Variants in DYNC2H1 observed in about 807,000 individuals in gnomAD.
DYNC2H1 encodes the protein dynein cytoplasmic 2 heavy chain 1.
Under a neutral mutation model 570.0 loss-of-function variants are expected in DYNC2H1, and 410 were observed. The observed-to-expected ratio is 0.72, with a 90% CI of 0.66 to 0.78. The LOEUF is 0.78. Ranked by LOEUF, DYNC2H1 falls within the 30% of genes least tolerant of loss-of-function variation. DYNC2H1 has a pLI of 0.00. For missense variants in DYNC2H1, 4,865 were observed against 5,046.4 expected (o/e 0.96, Z 1.09); for synonymous variants, 1,688 against 1,677.6 (o/e 1.01, Z -0.15).
chr11:103,471,782 A>C (rs1205973628), intron 88 of DYNC2H1, among the ~76,000 whole-genome samples: 1 of 152,198 alleles, frequency 6.6e-6, no homozygotes, highest in Non-Finnish European at 1.5e-5. Flanking sequence ...TCTTCCGCCA[A>C]CTGGGGAAGC....
intron 30 of DYNC2H1, among the ~76,000 whole-genome samples, chr11:103,164,901 C>T (rs955977841): frequency 2.0e-4 from 30 of 152,052 alleles, no homozygotes; most frequent in Non-Finnish European, 3.5e-4. Context: ...GTAGCATTGC[C>T]TAGGATTAGG....
intron 70 of DYNC2H1, among the ~76,000 whole-genome samples, chr11:103,272,316 C>T (rs917108767): frequency 2.0e-5 from 3 of 152,038 alleles, no homozygotes; most frequent in South Asian, 2.1e-4. Flanking sequence ...AGCAAACTAT[C>T]GCAGGGACAA....
In DYNC2H1 at chr11:103,446,879, T is replaced by C. The variant is rs975752414; in HGVS notation, c.12457-8307T>C. Among the ~76,000 whole-genome samples, 1 of 152,108 alleles carries C rather than the reference T, an allele frequency of 6.6e-6. No homozygotes were observed. The highest frequency in any genetic ancestry group is 6.5e-5 in the Admixed American group (1 of 15,272). The stretch of plus-strand genomic sequence containing the variant: ...AATAAGTTATAGTTATAAATTATTA[T>C]TAATAATTAAGAGGAGACCTATAAG... On this transcript the variant is annotated intron_variant, in intron 85 of 88. Coordinates refer to ENST00000375735, the MANE Select transcript of DYNC2H1 (RefSeq NM_001377.3). This position sits in a 1 kb window ranked among gnomAD's most constrained non-coding sequence, Gnocchi z 4.5.
At chr11:103,118,889 C>G (rs1397460255) in intron 6 of DYNC2H1, among the ~76,000 whole-genome samples, 1 of 152,126 alleles carries the variant, frequency 6.6e-6, no homozygotes, top group Non-Finnish European at 1.5e-5. Context: ...CAGGTATGAT[C>G]AGTCTGATGA....
At chr11:103,423,710 G>T (rs2449122) in intron 84 of DYNC2H1, among the ~76,000 whole-genome samples, 101,383 of 151,370 alleles carry the variant, frequency 0.67, 35,718 homozygotes, top group African/African-American at 0.91. Flanking sequence ...GGAACCTACA[G>T]CTAGATTTTT....
intron 84 of DYNC2H1, among the ~76,000 whole-genome samples, chr11:103,425,859 A>G (rs1431112692): frequency 2.0e-5 from 3 of 151,854 alleles, no homozygotes; most frequent in Admixed American, 2.0e-4. Context: ...AATACTATAT[A>G]TATAAATTTC....
intron 76 of DYNC2H1, 38 bp downstream of exon 76, chr11:103,303,291 T>C (rs777466316): frequency 1.3e-6 from 2 of 1,588,390 alleles, no homozygotes; most frequent in Admixed American, 3.4e-5. Context: ...GTTTTTGCTA[T>C]TGCTGTTCCC....
Position 103,204,673 on chromosome 11 carries a change from TA to T in DYNC2H1, c.8312-145del. The T allele has an allele frequency of 1.9e-6, 1 of 516,042 alleles. No homozygotes were observed. Among genetic ancestry groups the T allele is most frequent in the Non-Finnish European group, 3.2e-6 (1 of 314,944 alleles). 32.0% of individuals were successfully genotyped at this position (516,042 alleles called of 1,614,324 possible). On this transcript the variant is annotated intron_variant, in intron 51 of 88. Transcript: ENST00000375735. The surrounding 1 kb of genome is among the most constrained non-coding windows in gnomAD (Gnocchi z 4.1). ...ACAAATTTATAAGTGTTCTTTTAAC[TA>T]AAATAAAAATCATAACATAATATTG... is the stretch of plus-strand genomic sequence containing the variant.
intron 55 of DYNC2H1, among the ~76,000 whole-genome samples, chr11:103,218,941 G>A (rs572544160): frequency 6.6e-6 from 1 of 152,136 alleles, no homozygotes; most frequent in Non-Finnish European, 1.5e-5. Context: ...TGCAATTCTA[G>A]GTTAATGGCA....
chr11:103,205,966 C>T lies in DYNC2H1; in HGVS notation c.8454+1002C>T, dbSNP rs181067408. On this transcript the variant is annotated intron_variant, in intron 52 of 88. Transcript: ENST00000375735. The surrounding 1 kb of genome is among the most constrained non-coding windows in gnomAD (Gnocchi z 4.5). ...GAACTAACTTACTTTTGGATGCTTTCGAACAGAAATATTCTGACTCATTTT... is the reference window on the plus strand; with the variant it reads ...GAACTAACTTACTTTTGGATGCTTTTGAACAGAAATATTCTGACTCATTTT... 8.9e-4 allele frequency among the ~76,000 whole-genome samples: 135 copies of T among 152,168 alleles called. No homozygotes were observed. Among genetic ancestry groups the T allele is most frequent in the Admixed American group, 1.6e-3 (24 of 15,260 alleles).
chr11:103,469,767 A>T (rs1028373429), intron 88 of DYNC2H1, among the ~76,000 whole-genome samples: 12 of 152,194 alleles, frequency 7.9e-5, no homozygotes, highest in African/African-American at 2.9e-4. Flanking sequence ...TGTTTACTTC[A>T]ATCTTGCTGT....
intron 43 of DYNC2H1, among the ~76,000 whole-genome samples, chr11:103,188,184 A>G (rs1420580080): frequency 6.6e-6 from 1 of 152,048 alleles, no homozygotes; most frequent in Non-Finnish European, 1.5e-5. Flanking sequence ...TATTTTTCTC[A>G]TATTTTTCCT....
chr11:103,296,692 C>G (rs1401036718), intron 75 of DYNC2H1, among the ~76,000 whole-genome samples: 2 of 151,952 alleles, frequency 1.3e-5, no homozygotes, highest in Non-Finnish European at 2.9e-5. Context: ...TCATTTCTGC[C>G]ATTATCATCT....
At chr11:103,457,735 A>G (rs1257690320) in intron 87 of DYNC2H1, among the ~76,000 whole-genome samples, 2 of 152,166 alleles carry the variant, frequency 1.3e-5, no homozygotes, top group Admixed American at 6.5e-5. Flanking sequence ...TTGGCCTCCC[A>G]GAGTGCTAGG....
Position 103,177,536 on chromosome 11 carries a change from A to T in DYNC2H1, c.5875-20A>T, listed in dbSNP as rs532424006. 35 of 1,590,166 alleles carry T rather than the reference A, an allele frequency of 2.2e-5. No homozygotes were observed. Among genetic ancestry groups the T allele is most frequent in the Non-Finnish European group, 8.5e-7 (1 of 1,172,336 alleles). ...ATTGAATATTATAAATCATATATGA[A>T]CATATTTCTTTCCTACTAGATCAAA... On this transcript the variant is annotated intron_variant, in intron 37 of 88. Coordinates refer to ENST00000375735, the MANE Select transcript of DYNC2H1 (RefSeq NM_001377.3). The surrounding 1 kb of genome is among the most constrained non-coding windows in gnomAD (Gnocchi z 4.4).
intron 53 of DYNC2H1, among the ~76,000 whole-genome samples, chr11:103,210,226 G>A (rs1863098097): frequency 6.6e-6 from 1 of 151,900 alleles, no homozygotes; most frequent in Admixed American, 6.6e-5. Context: ...TGAGTGATTT[G>A]AAGGACCTAC....
chr11:103,131,911 A>G (rs1859297196), intron 13 of DYNC2H1, among the ~76,000 whole-genome samples: 1 of 152,106 alleles, frequency 6.6e-6, no homozygotes, highest in Non-Finnish European at 1.5e-5. Flanking sequence ...GAAAGCATAG[A>G]ATCCTTTTTT....
rs2134851598 is a variant in DYNC2H1, at chr11:103,147,781, G to A, written c.2712G>A (p.Lys904=). The change falls in exon 19 of 89, where the codon AAG becomes AAA. Residue 904 remains lysine, a synonymous_variant. Coordinates refer to ENST00000375735, the MANE Select transcript of DYNC2H1 (RefSeq NM_001377.3). The part of the protein sequence containing the change: ...KEVERLPSAV[K]VDCLNINCNP... ...CATTGACATTTTTCAGTGCTGTCAAGGTAGATTGTTTAAATATTAATTGCA... is the reference window on the plus strand; with the variant it reads ...CATTGACATTTTTCAGTGCTGTCAAAGTAGATTGTTTAAATATTAATTGCA... The A allele has an allele frequency of 6.2e-7, 1 of 1,603,588 alleles. No homozygotes were observed. The highest frequency in any genetic ancestry group is 8.5e-7 in the Non-Finnish European group (1 of 1,174,500).
intron 73 of DYNC2H1, among the ~76,000 whole-genome samples, chr11:103,283,551 G>A (rs1866229080): frequency 6.6e-6 from 1 of 152,132 alleles, no homozygotes; most frequent in Non-Finnish European, 1.5e-5. Context: ...GATAAAAACA[G>A]TAAGAATAGC....
Sources: gnomAD v4.1 joint callset for allele counts (sites outside exome capture counted in the v4.1 genomes callset) on GRCh38, gnomAD v4.1.1 for gene constraint, Gnocchi (gnomAD v3.1) non-coding constraint, MANE v1.5 for transcripts, NCBI Gene and HGNC (gene_info 2026-07-23, HGNC 2026-07-21) for gene names.